The following CLASP1 variants were observed in gnomAD, a reference collection of about 807,000 sequenced individuals.
The protein encoded by CLASP1 is CLIP-associating protein 1.
CLASP1 carries 38 observed loss-of-function variants against 192.3 expected under a neutral mutation model. That is an observed-to-expected ratio of 0.20 (90% CI 0.15 to 0.26). The LOEUF is 0.26. Among genes scored for constraint, CLASP1 ranks in the 10% least tolerant of loss-of-function variants. The pLI is 1.00. For synonymous variants in CLASP1, 691 were observed against 712.8 expected, an observed-to-expected ratio of 0.97 and a Z score of 0.49; for missense variants, 1,433 against 1,932.5, an observed-to-expected ratio of 0.74 and a Z score of 4.85.
At chr2:121,340,045 T>G (rs2062639778) in exon 40 of CLASP1, 2 of 152,120 alleles carry the variant, frequency 1.3e-5, no homozygotes, top group South Asian at 2.1e-4. Flanking sequence ...GATGAAAGAC[T>G]TCTTCTTTAT....
intron 2 of CLASP1, among the ~76,000 whole-genome samples, chr2:121,538,040 G>C (rs965578799): frequency 6.6e-6 from 1 of 151,996 alleles, no homozygotes; most frequent in African/African-American, 2.4e-5. Context: ...TCTGAGACTG[G>C]AACACGACAA....
At chr2:121,445,473 T>C (rs916804003) in intron 19 of CLASP1, 1 of 1,289,630 alleles carries the variant, frequency 7.8e-7, no homozygotes, top group Non-Finnish European at 1.0e-6. Flanking sequence ...ATGTACTCCA[T>C]GTCTTCCCTC....
chr2:121,454,541 C>T (rs1453276624), intron 14 of CLASP1, among the ~76,000 whole-genome samples: 2 of 152,148 alleles, frequency 1.3e-5, no homozygotes, highest in Non-Finnish European at 2.9e-5. Flanking sequence ...CTAATGATAG[C>T]AGATGAGCTT....
intron 20 of CLASP1, among the ~76,000 whole-genome samples, chr2:121,427,780 T>A (rs975428507): frequency 6.6e-6 from 1 of 152,204 alleles, no homozygotes; most frequent in African/African-American, 2.4e-5. Flanking sequence ...AAGTGCTCAA[T>A]AAACATCAAC....
intron 2 of CLASP1, among the ~76,000 whole-genome samples, chr2:121,533,095 C>G (rs1287252789): frequency 2.0e-5 from 3 of 152,108 alleles, no homozygotes; most frequent in Non-Finnish European, 4.4e-5. Flanking sequence ...TGGCAGTTTA[C>G]TTGGTAGGTC....
intron 3 of CLASP1, 81 bp downstream of exon 3, chr2:121,530,166 G>A: frequency 8.0e-7 from 1 of 1,250,634 alleles, no homozygotes; most frequent in Non-Finnish European, 1.1e-6. Context: ...TGGCTGCCGG[G>A]AGGGTTTGGG....
chr2:121,374,763 C>T (rs1027048130), intron 34 of CLASP1, among the ~76,000 whole-genome samples: 1 of 152,152 alleles, frequency 6.6e-6, no homozygotes, highest in Non-Finnish European at 1.5e-5. Flanking sequence ...GGCCTGTAGT[C>T]CCTTTGTTTT....
chr2:121,487,503 C>T (rs990785546), intron 8 of CLASP1, among the ~76,000 whole-genome samples: 7 of 152,218 alleles, frequency 4.6e-5, no homozygotes, highest in Non-Finnish European at 1.0e-4. Flanking sequence ...ATTCAGGACA[C>T]CACATTACAT....
chr2:121,354,470 G>A (rs1288610685), intron 37 of CLASP1, among the ~76,000 whole-genome samples: 1 of 152,178 alleles, frequency 6.6e-6, no homozygotes, highest in Non-Finnish European at 1.5e-5. Flanking sequence ...CCAAGCACGT[G>A]GCTGTGTACC....
At chr2:121,530,960 C>G (rs536019130) in intron 2 of CLASP1, 9 of 700,272 alleles carry the variant, frequency 1.3e-5, no homozygotes, top group Admixed American at 2.0e-5. Flanking sequence ...AACAACACAC[C>G]CGCATCAACT....
chr2:121,530,967 A>C lies in CLASP1; in HGVS notation c.196-642T>G, dbSNP rs1203177262. On this transcript the variant is annotated intron_variant, in intron 2 of 39. Transcript: ENST00000263710. The stretch of plus-strand genomic sequence containing the variant: ...AACGCCTGAACAACACACCCGCATC[A>C]ACTAGAGCTTTTGCTTTATTTTGGT... 2.9e-6 allele frequency: 2 copies of C among 700,450 alleles called. No individual in the cohort carries two copies. The highest frequency in any genetic ancestry group is 5.2e-6 in the Non-Finnish European group (2 of 384,826). The allele number at this position is 700,450 out of a possible 1,614,324, so 43.4% of individuals were successfully genotyped here. A position where few individuals can be genotyped will look rare whatever the true frequency, so the allele number is the denominator to read the frequency against.
chr2:121,614,435 G>A (rs2066129092), intron 1 of CLASP1, among the ~76,000 whole-genome samples: 1 of 152,184 alleles, frequency 6.6e-6, no homozygotes, highest in Admixed American at 6.5e-5. Flanking sequence ...GGCAGAGTTT[G>A]TGGTGAGCTG....
intron 1 of CLASP1, among the ~76,000 whole-genome samples, chr2:121,635,204 G>T (rs749259027): frequency 2.9e-5 from 4 of 139,240 alleles, no homozygotes; most frequent in African/African-American, 1.2e-4. Flanking sequence ...GCGAGATTGC[G>T]TCTGTAAAAA....
chr2:121,530,951 A>G lies in CLASP1; in HGVS notation c.196-626T>C, dbSNP rs531079609. On this transcript the variant is annotated intron_variant, in intron 2 of 39. Transcript: ENST00000263710. ...TGAGGGCAGTACTGCTAACGCCTGA[A>G]CAACACACCCGCATCAACTAGAGCT... 50 of 700,422 alleles carry G rather than the reference A, an allele frequency of 7.1e-5. No homozygotes were observed. The highest frequency in any genetic ancestry group is 3.7e-4 in the Middle Eastern group (1 of 2,738). 43.4% of individuals were successfully genotyped at this position (700,422 alleles called of 1,614,324 possible).
intron 39 of CLASP1, among the ~76,000 whole-genome samples, chr2:121,344,722 T>C (rs2063229132): frequency 6.6e-6 from 1 of 152,162 alleles, no homozygotes; most frequent in South Asian, 2.1e-4. Context: ...TCTCTTTGTT[T>C]CTAGTCAAGG....
chr2:121,361,994 G>A (rs2066502970), intron 37 of CLASP1, among the ~76,000 whole-genome samples: 1 of 152,220 alleles, frequency 6.6e-6, no homozygotes, highest in Non-Finnish European at 1.5e-5. Flanking sequence ...GATTTGAAGA[G>A]GTCACATCAG....
intron 19 of CLASP1, among the ~76,000 whole-genome samples, chr2:121,440,276 G>A (rs901826222): frequency 1.3e-5 from 2 of 152,006 alleles, no homozygotes; most frequent in African/African-American, 4.8e-5. Flanking sequence ...TATAGGAAAA[G>A]GTGTCTTTTG....
At chr2:121,453,204 T>C (rs962045630) in intron 14 of CLASP1, among the ~76,000 whole-genome samples, 5 of 152,172 alleles carry the variant, frequency 3.3e-5, no homozygotes, top group African/African-American at 1.2e-4. Context: ...CTGAGGTGGG[T>C]GGATTGCTTG....
intron 2 of CLASP1, chr2:121,531,079 T>A (rs534041784): frequency 3.8e-5 from 26 of 686,942 alleles, no homozygotes; most frequent in East Asian, 3.2e-4. Context: ...ACTTTGTGGT[T>A]AAACCAGTAG....
Sources: allele counts gnomAD v4.1 joint callset (sites outside exome capture counted in the v4.1 genomes callset), GRCh38; gene constraint gnomAD v4.1.1; transcripts MANE v1.5; gene names NCBI Gene and HGNC (gene_info 2026-07-23, HGNC 2026-07-21).